Variants in CDC14B observed in about 807,000 individuals in gnomAD.
The protein encoded by CDC14B is dual specificity protein phosphatase CDC14B.
In CDC14B, 22 loss-of-function variants were observed where a neutral mutation model predicts 64.2. The observed-to-expected ratio is 0.34, with a 90% CI of 0.24 to 0.49. The LOEUF is 0.49. CDC14B is among the 20% of genes least tolerant of loss of function. The pLI, the probability that CDC14B is intolerant of heterozygous loss-of-function variation, is 0.99. For synonymous variants in CDC14B, 191 were observed against 215.8 expected, an observed-to-expected ratio of 0.89 and a Z score of 1.01; for missense variants, 498 against 629.9, an observed-to-expected ratio of 0.79 and a Z score of 2.24.
chr9:96,558,577 G>A (rs1181529726), intron 4 of CDC14B, among the ~76,000 whole-genome samples: 1 of 152,122 alleles, frequency 6.6e-6, no homozygotes, highest in Non-Finnish European at 1.5e-5. Context: ...TCTCAAGAGT[G>A]CAAATATGGA....
At chr9:96,578,828 C>A (rs115171469) in intron 1 of CDC14B, among the ~76,000 whole-genome samples, 1 of 152,056 alleles carries the variant, frequency 6.6e-6, no homozygotes, top group Non-Finnish European at 1.5e-5. Context: ...GTTTCTTTTT[C>A]TTTTCTTTGA....
chr9:96,581,481 A>ATTAAT (rs202159913), intron 1 of CDC14B, among the ~76,000 whole-genome samples: 8,510 of 150,842 alleles, frequency 0.056, 831 homozygotes, highest in African/African-American at 0.2. Flanking sequence ...AATTAAATTA[A>ATTAAT]TTAATTAAAT....
intron 4 of CDC14B, among the ~76,000 whole-genome samples, chr9:96,555,597 G>A (rs1842405769): frequency 6.6e-6 from 1 of 152,226 alleles, no homozygotes; most frequent in Non-Finnish European, 1.5e-5. Context: ...TTAAGGAAAT[G>A]GCCGTTTCCA....
intron 12 of CDC14B, among the ~76,000 whole-genome samples, chr9:96,511,060 A>G (rs1834843740): frequency 1.3e-5 from 2 of 152,232 alleles, no homozygotes; most frequent in South Asian, 2.1e-4. Context: ...GAGAAAGCCA[A>G]TAACAACTTA....
At chr9:96,616,299 C>T (rs572135751) in intron 1 of CDC14B, among the ~76,000 whole-genome samples, 17 of 151,746 alleles carry the variant, frequency 1.1e-4, no homozygotes, top group Admixed American at 7.9e-4. Flanking sequence ...GCACTCAACC[C>T]GGGCAACAGA....
intron 7 of CDC14B, among the ~76,000 whole-genome samples, chr9:96,535,163 C>A (rs986618011): frequency 6.6e-6 from 1 of 152,046 alleles, no homozygotes; most frequent in African/African-American, 2.4e-5. Context: ...CAAAATTAGC[C>A]AGGCATGGTG....
intron 1 of CDC14B, among the ~76,000 whole-genome samples, chr9:96,600,943 G>C (rs1846398365): frequency 1.3e-5 from 2 of 152,026 alleles, no homozygotes; most frequent in Admixed American, 1.3e-4. Context: ...GATACATAAG[G>C]AAACAGATTA....
At chr9:96,608,921 ACAC>A (rs1564393115) in intron 1 of CDC14B, among the ~76,000 whole-genome samples, 27 of 151,464 alleles carry the variant, frequency 1.8e-4, no homozygotes, top group African/African-American at 6.6e-4. Flanking sequence ...ACACACACAC[ACAC>A]ACGAAAAGAC....
rs931894857 is a variant in CDC14B at position 96,538,963 on chromosome 9, T to C, written c.627+115A>G. On this transcript the variant is annotated intron_variant, in intron 7 of 13. Transcript: ENST00000375241. ...AATCATTTCATGGTGTATACATATATCAAAACATTACTTTGTACATCTTAA... is the reference window on the plus strand; with the variant it reads ...AATCATTTCATGGTGTATACATATACCAAAACATTACTTTGTACATCTTAA... The C allele has an allele frequency of 9.9e-6, 7 of 709,014 alleles. No homozygotes were observed. In the Middle Eastern group the frequency reaches 1.5e-3, roughly 154 times the overall value. The allele number at this position is 709,014 out of a possible 1,614,324, so 43.9% of individuals were successfully genotyped here. A position where few individuals can be genotyped will look rare whatever the true frequency, so the allele number is the denominator to read the frequency against.
intron 12 of CDC14B, among the ~76,000 whole-genome samples, chr9:96,516,301 G>A (rs929896535): frequency 2.6e-5 from 4 of 152,148 alleles, no homozygotes; most frequent in African/African-American, 7.2e-5. Context: ...AGCCATCCAG[G>A]AAGCTAAGGG....
intron 1 of CDC14B, among the ~76,000 whole-genome samples, chr9:96,606,559 G>GTGTA (rs1846951378): frequency 6.7e-6 from 1 of 149,558 alleles, no homozygotes; most frequent in African/African-American, 2.5e-5. Flanking sequence ...GTGTGTGTGT[G>GTGTA]TGTGTGTGTG....
At chr9:96,564,188 A>C (rs1372157570) in intron 3 of CDC14B, among the ~76,000 whole-genome samples, 1 of 152,162 alleles carries the variant, frequency 6.6e-6, no homozygotes, top group African/African-American at 2.4e-5. Flanking sequence ...CCAACAATTC[A>C]GTGTTTTACA....
Position 96,515,934 on chromosome 9 carries a change from G to A in CDC14B, c.1344-6145C>T. ...ACAGCAACAGGGATACAAAGGGGTG[G>A]TCAACAAGGATGGAGTTTTGCCATT... On this transcript the variant is annotated intron_variant, in intron 12 of 13. Transcript: ENST00000375241. This position sits in a 1 kb window ranked among gnomAD's most constrained non-coding sequence, Gnocchi z 4.3. The A allele has an allele frequency of 1.6e-6, 1 of 642,768 alleles. No individual in the cohort carries two copies. The highest frequency in any genetic ancestry group is 2.5e-6 in the Non-Finnish European group (1 of 401,722). The allele number at this position is 642,768 out of a possible 1,614,324, so 39.8% of individuals were successfully genotyped here.
intron 1 of CDC14B, among the ~76,000 whole-genome samples, chr9:96,611,883 T>C (rs1028960636): frequency 1.3e-5 from 2 of 152,214 alleles, no homozygotes; most frequent in Non-Finnish European, 1.5e-5. Flanking sequence ...TTATATTCTA[T>C]CAGTAAATAA....
intron 1 of CDC14B, among the ~76,000 whole-genome samples, chr9:96,580,503 T>C (rs1414691859): frequency 6.6e-6 from 1 of 152,194 alleles, no homozygotes; most frequent in Non-Finnish European, 1.5e-5. Flanking sequence ...AGTGCTGGGA[T>C]TACAGGCGCG....
intron 13 of CDC14B, among the ~76,000 whole-genome samples, chr9:96,507,979 T>A (rs552260683): frequency 6.6e-6 from 1 of 152,138 alleles, no homozygotes; most frequent in Non-Finnish European, 1.5e-5. Context: ...ATATATAGTA[T>A]ACTTACGCTT....
intron 1 of CDC14B, among the ~76,000 whole-genome samples, chr9:96,599,225 C>A (rs1846273373): frequency 6.6e-6 from 1 of 151,926 alleles, no homozygotes; most frequent in Non-Finnish European, 1.5e-5. Context: ...ATTAAAAATA[C>A]AAAAAATTAG....
chr9:96,544,469 G>A lies in CDC14B; in HGVS notation c.498-2577C>T, dbSNP rs530682257. Reference sequence around the variant, plus strand: ...GCTGCTTAGAATTACTGAGCTATGCGAACCTTCATGAGGACAGAATGCAGG... The same window carrying A: ...GCTGCTTAGAATTACTGAGCTATGCAAACCTTCATGAGGACAGAATGCAGG... On this transcript the variant is annotated intron_variant, in intron 5 of 13. Coordinates refer to ENST00000375241, the MANE Select transcript of CDC14B (RefSeq NM_033331.4). Among the ~76,000 whole-genome samples the A allele has an allele frequency of 3.0e-4, 46 of 152,212 alleles. 1 individual carries two copies. The South Asian group carries it at 8.7e-3, about 29-fold the overall frequency.
At chr9:96,617,871 T>C (rs895974598) in intron 1 of CDC14B, among the ~76,000 whole-genome samples, 2 of 152,176 alleles carry the variant, frequency 1.3e-5, no homozygotes, top group African/African-American at 4.8e-5. Flanking sequence ...GGGCAGAAAC[T>C]ATGTATAGGC....
Sources: allele counts gnomAD v4.1 joint callset (sites outside exome capture counted in the v4.1 genomes callset), GRCh38; gene constraint gnomAD v4.1.1; non-coding constraint Gnocchi (gnomAD v3.1); transcripts MANE v1.5; gene names NCBI Gene and HGNC (gene_info 2026-07-23, HGNC 2026-07-21).